Variants in GALNT17 observed in about 807,000 individuals in gnomAD.
The protein encoded by GALNT17 is UDP-GalNAc:polypeptide N-acetylgalactosaminyltransferase-like 3.
In GALNT17, 29 loss-of-function variants were observed where a neutral mutation model predicts 63.7. The observed-to-expected ratio is 0.46, with a 90% CI of 0.34 to 0.62. The LOEUF (loss-of-function observed/expected upper bound fraction) is 0.62, where lower values mean the gene tolerates loss of function less well. GALNT17 is among the 20% of genes least tolerant of loss of function. The pLI is 0.01. For missense variants in GALNT17, 603 were observed against 799.6 expected (o/e 0.75, Z 2.97); for synonymous variants, 305 against 318.3 (o/e 0.96, Z 0.45).
At chr7:71,430,701 A>G (rs964148289) in intron 5 of GALNT17, among the ~76,000 whole-genome samples, 1 of 152,204 alleles carries the variant, frequency 6.6e-6, no homozygotes, top group Non-Finnish European at 1.5e-5. Context: ...AGACTCCTTT[A>G]GTTGAAAGGG....
chr7:71,537,820 C>T (rs181106140), intron 5 of GALNT17, among the ~76,000 whole-genome samples: 7 of 152,016 alleles, frequency 4.6e-5, no homozygotes, highest in East Asian at 1.9e-4. Flanking sequence ...CTCAAAAAAA[C>T]GAAAACAAAA....
At chr7:71,555,395 A>G (rs1015289451) in intron 5 of GALNT17, among the ~76,000 whole-genome samples, 4 of 151,518 alleles carry the variant, frequency 2.6e-5, no homozygotes, top group Non-Finnish European at 2.9e-5. Flanking sequence ...TCATTTTTCA[A>G]GATTCCCCAG....
At chr7:71,603,698 C>T (rs1790002489) in intron 6 of GALNT17, among the ~76,000 whole-genome samples, 1 of 151,894 alleles carries the variant, frequency 6.6e-6, no homozygotes. Flanking sequence ...ATGCTAAGTG[C>T]ATATGCTGGA....
At chr7:71,474,258 A>G (rs1218516985) in intron 5 of GALNT17, among the ~76,000 whole-genome samples, 1 of 152,158 alleles carries the variant, frequency 6.6e-6, no homozygotes, top group Admixed American at 6.5e-5. Context: ...CTTGGTTTTC[A>G]TGGATTTGGG....
At chr7:71,422,317 C>T (rs143741240) in intron 5 of GALNT17, among the ~76,000 whole-genome samples, 84 of 152,296 alleles carry the variant, frequency 5.5e-4, no homozygotes, top group African/African-American at 1.9e-3. Flanking sequence ...TTCCTTCCTT[C>T]CCACTTATAA....
chr7:71,305,864 A>G (rs576355848), intron 1 of GALNT17, among the ~76,000 whole-genome samples: 1 of 152,308 alleles, frequency 6.6e-6, no homozygotes, highest in Admixed American at 6.5e-5. Context: ...AAAAAAATCC[A>G]GGTACCGTGG....
intron 1 of GALNT17, among the ~76,000 whole-genome samples, chr7:71,242,040 G>A (rs1441147914): frequency 1.3e-5 from 2 of 152,058 alleles, no homozygotes. Flanking sequence ...AGGAAGGGCA[G>A]CCTGCATGTC....
chr7:71,633,944 G>A (rs2116994519), intron 6 of GALNT17, among the ~76,000 whole-genome samples: 1 of 152,346 alleles, frequency 6.6e-6, no homozygotes, highest in South Asian at 2.1e-4. Flanking sequence ...CTTGGGTGGA[G>A]GGCCCAAGGG....
Position 71,677,268 on chromosome 7 carries a change from A to C in GALNT17, c.1462A>C (p.Thr488Pro), listed in dbSNP as rs1454180167. Reference sequence around the variant, plus strand: ...GGACCAGGGGCCGCTGGAGAACCACACAGCAATATTGTATCCGTGCCATGG... The same window carrying C: ...GGACCAGGGGCCGCTGGAGAACCACCCAGCAATATTGTATCCGTGCCATGG... Reference protein sequence around the residue: ...CLDQGPLENHTAILYPCHGWG... With the variant: ...CLDQGPLENHPAILYPCHGWG... Residue 488 changes from threonine (T) to proline (P), a missense_variant, in exon 9 of 11, where the codon ACA (threonine) becomes CCA (proline). By Grantham distance (38) the Thr-to-Pro change is conservative. Transcript: ENST00000333538. 6.2e-7 allele frequency: 1 copy of C among 1,613,900 alleles called. No homozygotes were observed. The highest frequency in any genetic ancestry group is 8.5e-7 in the Non-Finnish European group (1 of 1,179,966).
At chr7:71,672,466 G>A (rs1791084694) in intron 8 of GALNT17, among the ~76,000 whole-genome samples, 1 of 152,198 alleles carries the variant, frequency 6.6e-6, no homozygotes, top group Non-Finnish European at 1.5e-5. Flanking sequence ...TACATCAACT[G>A]AGTAGAGAAA....
At chr7:71,702,709 A>G (rs1193109031) in intron 9 of GALNT17, among the ~76,000 whole-genome samples, 1 of 152,226 alleles carries the variant, frequency 6.6e-6, no homozygotes, top group Non-Finnish European at 1.5e-5. Flanking sequence ...ACCAGTTAGG[A>G]GGCCATTGCA....
chr7:71,616,132 G>A (rs1024880475), intron 6 of GALNT17, among the ~76,000 whole-genome samples: 1 of 152,206 alleles, frequency 6.6e-6, no homozygotes, highest in Non-Finnish European at 1.5e-5. Flanking sequence ...TCATCAGAGA[G>A]TGGGGCTTTG....
At chr7:71,189,077 T>C (rs1319257868) in intron 1 of GALNT17, among the ~76,000 whole-genome samples, 1 of 152,206 alleles carries the variant, frequency 6.6e-6, no homozygotes, top group Non-Finnish European at 1.5e-5. Context: ...TCATCTTGAA[T>C]TGTAGCTCCC....
At chr7:71,575,699 A>T (rs1438033617) in intron 6 of GALNT17, among the ~76,000 whole-genome samples, 1 of 151,798 alleles carries the variant, frequency 6.6e-6, no homozygotes, top group Non-Finnish European at 1.5e-5. Flanking sequence ...TTTTTTTTTT[A>T]AACCAAGAAA....
chr7:71,703,846 G>A (rs1791686771), intron 9 of GALNT17, among the ~76,000 whole-genome samples: 1 of 152,142 alleles, frequency 6.6e-6, no homozygotes, highest in Non-Finnish European at 1.5e-5. Flanking sequence ...GAGAGTGAAG[G>A]AAGACAGGTT....
chr7:71,701,911 A>ATATGTG lies in GALNT17; in HGVS notation c.1501-8850_1501-8849insTATGTG, dbSNP rs1491170628. ...TATATATATACACATATATATATAT[A>ATATGTG]CATATATATATGTATATATATACAT... is the stretch of plus-strand genomic sequence containing the variant. On this transcript the variant is annotated intron_variant, in intron 9 of 10. Coordinates refer to ENST00000333538, the MANE Select transcript of GALNT17 (RefSeq NM_022479.3). 2.1e-3 allele frequency among the ~76,000 whole-genome samples: 242 copies of ATATGTG among 116,018 alleles called. 5 individuals carry two copies. Among genetic ancestry groups the ATATGTG allele is most frequent in the African/African-American group, 6.8e-3 (185 of 27,178 alleles). The allele number at this position is 116,018 out of a possible 152,430, so 76.1% of individuals were successfully genotyped here.
chr7:71,692,493 TAGCTAGG>T (rs1165242286), intron 9 of GALNT17, among the ~76,000 whole-genome samples: 1 of 152,124 alleles, frequency 6.6e-6, no homozygotes, highest in East Asian at 1.9e-4. Context: ...CTTTACTCTT[TAGCTAGG>T]AGGCTCAGCA....
intron 5 of GALNT17, among the ~76,000 whole-genome samples, chr7:71,461,830 G>A (rs887534098): frequency 1.4e-4 from 21 of 152,210 alleles, no homozygotes; most frequent in South Asian, 2.1e-4. Flanking sequence ...TCATCTTGGC[G>A]CTCTCGGCCA....
chr7:71,423,068 C>G (rs908808852), intron 5 of GALNT17, among the ~76,000 whole-genome samples: 5 of 152,306 alleles, frequency 3.3e-5, no homozygotes, highest in Admixed American at 2.6e-4. Context: ...CTGCTCCTCT[C>G]AACGTCCAGC....
Sources: gnomAD v4.1 joint callset for allele counts (sites outside exome capture counted in the v4.1 genomes callset) on GRCh38, gnomAD v4.1.1 for gene constraint, MANE v1.5 for transcripts, NCBI Gene and HGNC (gene_info 2026-07-23, HGNC 2026-07-21) for gene names.